The following TPP2 variants were observed in gnomAD, a reference collection of about 807,000 sequenced individuals.
The protein encoded by TPP2 is tripeptidyl-peptidase 2.
A neutral mutation model predicts 155.9 loss-of-function variants in TPP2; 34 were observed. The observed-to-expected ratio is 0.22, with a 90% confidence interval of 0.17 to 0.29. The LOEUF is 0.29. Ranked by LOEUF, TPP2 falls within the 10% of genes least tolerant of loss-of-function variation. TPP2 has a pLI of 1.00. For synonymous variants in TPP2, 510 were observed against 529.4 expected, an observed-to-expected ratio of 0.96 and a Z score of 0.50; for missense variants, 1,028 against 1,522.3, an observed-to-expected ratio of 0.68 and a Z score of 5.40.
intron 2 of TPP2, 132 bp downstream of exon 2, chr13:102,605,053 T>G: frequency 1.5e-6 from 2 of 1,358,484 alleles, no homozygotes; most frequent in Non-Finnish European, 2.0e-6. Context: ...CAGAACATCC[T>G]GGTTTAAAAT....
At chr13:102,616,375 G>C in intron 3 of TPP2, 21 bp from the exon 4 acceptor site, 1 of 1,592,146 alleles carries the variant, frequency 6.3e-7, no homozygotes, top group Non-Finnish European at 8.6e-7. Context: ...TAATTGTAAG[G>C]TAATTTTTCT....
rs1884275777 is a variant in TPP2 at position 102,662,214 on chromosome 13, T to C, written c.3144-1434T>C. Among the ~76,000 whole-genome samples, 2 of 152,212 alleles carry C rather than the reference T, an allele frequency of 1.3e-5. 1 individual carries two copies. The highest frequency in any genetic ancestry group is 4.1e-4 in the South Asian group (2 of 4,830). On this transcript the variant is annotated intron_variant, in intron 25 of 29. Transcript: ENST00000376052. ...ATTAAATGTCCAGAATGAGGAAATC[T>C]ATAGAGATAGAAAGTAGATTAGTGG... is the stretch of plus-strand genomic sequence containing the variant.
At chr13:102,651,018 A>G (rs1375461055) in intron 23 of TPP2, among the ~76,000 whole-genome samples, 1 of 152,204 alleles carries the variant, frequency 6.6e-6, no homozygotes, top group Non-Finnish European at 1.5e-5. Flanking sequence ...TGCATAGGCA[A>G]TGGGGTTGTT....
chr13:102,675,348 TCTGAAA>T (rs1885224110), intron 28 of TPP2, among the ~76,000 whole-genome samples: 1 of 152,196 alleles, frequency 6.6e-6, no homozygotes, highest in African/African-American at 2.4e-5. Context: ...GGAATTTGAA[TCTGAAA>T]TTAGAGCCCT....
intron 24 of TPP2, among the ~76,000 whole-genome samples, chr13:102,655,877 G>A (rs916015254): frequency 2.6e-5 from 4 of 151,986 alleles, no homozygotes; most frequent in East Asian, 3.9e-4. Flanking sequence ...CAAGGCTTCC[G>A]TGATCCCAGG....
intron 24 of TPP2, among the ~76,000 whole-genome samples, chr13:102,655,652 C>G (rs1238350384): frequency 6.6e-6 from 1 of 152,172 alleles, no homozygotes; most frequent in Admixed American, 6.5e-5. Context: ...AGCAAAACTT[C>G]TCAAAAGAAT....
At chr13:102,662,976 A>G (rs1182095009) in intron 25 of TPP2, among the ~76,000 whole-genome samples, 2 of 152,012 alleles carry the variant, frequency 1.3e-5, no homozygotes, top group African/African-American at 4.8e-5. Flanking sequence ...ACATTTTTAA[A>G]TCTTTTAATC....
intron 10 of TPP2, 47 bp from the exon 11 acceptor site, chr13:102,633,902 TG>T (rs757056386): frequency 9.9e-6 from 16 of 1,610,332 alleles, no homozygotes; most frequent in African/African-American, 8.0e-5. Context: ...TGCCCATGTA[TG>T]TTTAGCTTTC....
intron 2 of TPP2, among the ~76,000 whole-genome samples, chr13:102,606,705 G>A (rs1489910921): frequency 2.0e-5 from 3 of 152,042 alleles, no homozygotes; most frequent in South Asian, 2.1e-4. Flanking sequence ...GTACCATAAC[G>A]CAATCATGGG....
intron 2 of TPP2, among the ~76,000 whole-genome samples, chr13:102,610,565 G>A (rs1880220736): frequency 6.6e-6 from 1 of 152,068 alleles, no homozygotes; most frequent in South Asian, 2.1e-4. Flanking sequence ...TTTATAGTCT[G>A]TTTTTTCCAC....
intron 7 of TPP2, among the ~76,000 whole-genome samples, chr13:102,627,540 T>G (rs917083032): frequency 6.6e-6 from 1 of 151,992 alleles, no homozygotes; most frequent in African/African-American, 2.4e-5. Context: ...TATTTAATTT[T>G]AGTGATTTTT....
At chr13:102,664,998 T>C in intron 27 of TPP2, 73 bp downstream of exon 27, 6 of 1,550,130 alleles carry the variant, frequency 3.9e-6, no homozygotes, top group Non-Finnish European at 4.4e-6. Context: ...GGGACTAATA[T>C]TATAGAGGAT....
At chr13:102,625,034 A>G (rs1881482221) in intron 6 of TPP2, among the ~76,000 whole-genome samples, 1 of 147,924 alleles carries the variant, frequency 6.8e-6, no homozygotes, top group Non-Finnish European at 1.5e-5. Context: ...TAGTTTTTGT[A>G]TTTTTAGTAG....
At position 102,627,020 on chromosome 13, in the gene TPP2, G is replaced by A. The variant is rs1255111490; in HGVS notation, c.793G>A (p.Gly265Arg). Residue 265 changes from glycine to arginine, a missense_variant, in exon 7 of 30, where the codon GGG becomes AGG. Transcript: ENST00000376052. The stretch of plus-strand genomic sequence containing the variant: ...CACCTTTGTGTCTCTAGGAGCTCAT[G>A]GGACACATGTAGCTAGTATAGCTGC... ...LSIVTSGGAH[G>R]THVASIAAGH... The A allele has an allele frequency of 6.4e-7, 1 of 1,570,218 alleles. No individual in the cohort carries two copies. Among genetic ancestry groups the A allele is most frequent in the Non-Finnish European group, 8.6e-7 (1 of 1,161,016 alleles).
In TPP2 at chr13:102,616,373, A is replaced by G. The variant is rs1008255766; in HGVS notation, c.391-23A>G. 4.4e-6 allele frequency: 7 copies of G among 1,586,936 alleles called. No homozygotes were observed. The African/African-American group carries it at 5.4e-5, about 12-fold the overall frequency. ...CTGAGTATTTGTCAGCCTAATTGTA[A>G]GGTAATTTTTCTGTCTTTGCAGAAA... On this transcript the variant is annotated intron_variant, in intron 3 of 29. Transcript: ENST00000376052.
intron 27 of TPP2, among the ~76,000 whole-genome samples, chr13:102,673,562 ACG>A (rs1246443174): frequency 6.6e-6 from 1 of 152,224 alleles, no homozygotes; most frequent in African/African-American, 2.4e-5. Context: ...TGTCCTAGGC[ACG>A]TGGAATGCAT....
intron 2 of TPP2, among the ~76,000 whole-genome samples, chr13:102,612,301 A>G (rs1471634747): frequency 1.3e-5 from 2 of 152,168 alleles, no homozygotes; most frequent in Non-Finnish European, 2.9e-5. Flanking sequence ...ATGGTACCCT[A>G]ACACTCAGAT....
intron 6 of TPP2, chr13:102,626,751 CT>C (rs1302659529): frequency 1.2e-5 from 3 of 253,288 alleles, no homozygotes; most frequent in African/African-American, 2.2e-5. Context: ...TTATAAAATG[CT>C]TTTTCAAATG....
intron 24 of TPP2, among the ~76,000 whole-genome samples, chr13:102,653,995 T>A (rs1264630538): frequency 6.6e-6 from 1 of 152,214 alleles, no homozygotes; most frequent in Non-Finnish European, 1.5e-5. Flanking sequence ...AAATATATAC[T>A]GTAGAGAAAT....
Sources: gnomAD v4.1 joint callset for allele counts (sites outside exome capture counted in the v4.1 genomes callset) on GRCh38, gnomAD v4.1.1 for gene constraint, MANE v1.5 for transcripts, NCBI Gene and HGNC (gene_info 2026-07-23, HGNC 2026-07-21) for gene names.